The following JAK2 variants were observed in gnomAD, a reference collection of about 807,000 sequenced individuals.
JAK2 encodes the protein Janus kinase 2, also known as tyrosine-protein kinase JAK2.
Under a neutral mutation model 139.3 loss-of-function variants are expected in JAK2, and 86 were observed. The observed-to-expected ratio is 0.62, with a 90% confidence interval of 0.52 to 0.74. JAK2 has a LOEUF of 0.74. Ranked by LOEUF, JAK2 falls within the 30% of genes least tolerant of loss-of-function variation. The pLI is 0.00. For synonymous variants in JAK2, 490 were observed against 437.7 expected, an observed-to-expected ratio of 1.12 and a Z score of -1.49; for missense variants, 1,421 against 1,360.3, an observed-to-expected ratio of 1.04 and a Z score of -0.70.
At chr9:5,045,941 A>G (rs1816976360) in intron 5 of JAK2, among the ~76,000 whole-genome samples, 1 of 151,880 alleles carries the variant, frequency 6.6e-6, no homozygotes, top group Non-Finnish European at 1.5e-5. Context: ...TAAATTTATA[A>G]TTTTTTTTGA....
At position 5,102,261 on chromosome 9, in the gene JAK2, C is replaced by T. The variant is rs566601433; in HGVS notation, c.3059+11350C>T. On this transcript the variant is annotated intron_variant, in intron 22 of 24. Transcript: ENST00000381652. ...GGACGCATGCACAAGCTTCACTAGC[C>T]GACTTGATCAAGTGGAAGAAAGGGT... is the stretch of plus-strand genomic sequence containing the variant. Among the ~76,000 whole-genome samples the T allele has an allele frequency of 1.7e-4, 26 of 152,016 alleles. 1 individual carries two copies. Among genetic ancestry groups the T allele is most frequent in the African/African-American group, 4.6e-4 (19 of 41,458 alleles).
intron 8 of JAK2, among the ~76,000 whole-genome samples, chr9:5,064,026 T>C (rs1335398587): frequency 6.6e-6 from 1 of 152,014 alleles, no homozygotes; most frequent in Non-Finnish European, 1.5e-5. Flanking sequence ...CGTCTTGGCG[T>C]GTGCCTGTAA....
intron 22 of JAK2, chr9:5,111,545 C>T (rs1822541156): frequency 2.7e-6 from 1 of 369,438 alleles, no homozygotes; most frequent in Non-Finnish European, 5.3e-6. Context: ...CTGTCCCGCC[C>T]CCTTCTACAT....
intron 4 of JAK2, among the ~76,000 whole-genome samples, chr9:5,031,565 T>C (rs1823150142): frequency 6.6e-6 from 1 of 152,332 alleles, no homozygotes; most frequent in Non-Finnish European, 1.5e-5. Context: ...AGATAAATTA[T>C]AGATTGATTA....
intron 19 of JAK2, chr9:5,085,038 G>A: frequency 2.5e-6 from 2 of 793,934 alleles, no homozygotes; most frequent in Admixed American, 1.8e-5. Context: ...TTGAATGAGG[G>A]CGTCTCTTTC....
chr9:5,120,413 C>G (rs924494602), intron 22 of JAK2, among the ~76,000 whole-genome samples: 3 of 152,106 alleles, frequency 2.0e-5, no homozygotes, highest in Non-Finnish European at 4.4e-5. Context: ...AGGATTTTGC[C>G]CATGATATCA....
At chr9:5,050,649 T>G in intron 5 of JAK2, 37 bp from the exon 6 acceptor site, 1 of 1,581,864 alleles carries the variant, frequency 6.3e-7, no homozygotes, top group Non-Finnish European at 8.6e-7. Flanking sequence ...ATAATGAAAC[T>G]TACGATGAGA....
chr9:5,071,879 T>G (rs1818972540), intron 12 of JAK2, among the ~76,000 whole-genome samples: 1 of 152,198 alleles, frequency 6.6e-6, no homozygotes, highest in African/African-American at 2.4e-5. Context: ...CAACAATTAC[T>G]TTGTAAAGAT....
rs1461778572 is a variant in JAK2, at chr9:5,042,202, A to G, written c.351-2201A>G. On this transcript the variant is annotated intron_variant, in intron 4 of 24. Transcript: ENST00000381652. ...CCGGACTGCGGACTGCAGTGGCGCAATCTCGGCTCACTGCAAGCTCCGCCT... is the reference window on the plus strand; with the variant it reads ...CCGGACTGCGGACTGCAGTGGCGCAGTCTCGGCTCACTGCAAGCTCCGCCT... 3.4e-5 allele frequency among the ~76,000 whole-genome samples: 5 copies of G among 148,160 alleles called. No homozygotes were observed. In the East Asian group the frequency reaches 8.0e-4, roughly 24 times the overall value.
At chr9:5,007,406 G>A (rs1821378872) in intron 2 of JAK2, among the ~76,000 whole-genome samples, 1 of 151,964 alleles carries the variant, frequency 6.6e-6, no homozygotes, top group African/African-American at 2.4e-5. Context: ...ATATGCTGTG[G>A]TACTTTTGTC....
intron 4 of JAK2, among the ~76,000 whole-genome samples, chr9:5,037,070 A>T (rs1469318474): frequency 6.6e-6 from 1 of 152,258 alleles, no homozygotes; most frequent in South Asian, 2.1e-4. Flanking sequence ...ACACTTCTTG[A>T]AAGAAGACAT....
intron 22 of JAK2, chr9:5,110,994 G>T: frequency 3.0e-6 from 2 of 670,472 alleles, no homozygotes; most frequent in Non-Finnish European, 5.3e-6. Flanking sequence ...TGTTCCCGCT[G>T]CCCGTTGCCA....
intron 4 of JAK2, among the ~76,000 whole-genome samples, chr9:5,035,660 G>C (rs917037034): frequency 2.0e-5 from 3 of 152,166 alleles, no homozygotes; most frequent in African/African-American, 7.2e-5. Flanking sequence ...GGCAGAAAAG[G>C]TCTTTGGCAA....
At chr9:5,008,862 T>C (rs1196397633) in intron 2 of JAK2, among the ~76,000 whole-genome samples, 1 of 152,218 alleles carries the variant, frequency 6.6e-6, no homozygotes, top group African/African-American at 2.4e-5. Flanking sequence ...TTGTACTCCC[T>C]GGATTGATCC....
chr9:5,022,390 A>G (rs1822487894), intron 3 of JAK2, among the ~76,000 whole-genome samples, 177 bp downstream of exon 3: 1 of 152,138 alleles, frequency 6.6e-6, no homozygotes, highest in African/African-American at 2.4e-5. Flanking sequence ...TTTATGGTGA[A>G]TCTGCCTTGG....
intron 3 of JAK2, 33 bp downstream of exon 3, chr9:5,022,246 T>G: frequency 6.9e-7 from 1 of 1,459,372 alleles, no homozygotes; most frequent in Non-Finnish European, 9.6e-7. Context: ...TTCCTTTTTA[T>G]GCATGGATTG....
chr9:5,039,523 G>C (rs1816328680), intron 4 of JAK2, among the ~76,000 whole-genome samples: 1 of 152,068 alleles, frequency 6.6e-6, no homozygotes, highest in African/African-American at 2.4e-5. Flanking sequence ...TCTGGAACTA[G>C]TACTGCATAG....
intron 2 of JAK2, among the ~76,000 whole-genome samples, chr9:4,992,507 T>C (rs1171607275): frequency 2.0e-5 from 3 of 152,150 alleles, no homozygotes; most frequent in Non-Finnish European, 2.9e-5. Flanking sequence ...ACTATTGCCA[T>C]AGTTTGCCAT....
At chr9:4,993,856 G>A (rs1290621468) in intron 2 of JAK2, among the ~76,000 whole-genome samples, 1 of 152,222 alleles carries the variant, frequency 6.6e-6, no homozygotes, top group African/African-American at 2.4e-5. Context: ...CCCCACGTCT[G>A]TGTGGGTTTT....
Sources: gnomAD v4.1 joint callset for allele counts (sites outside exome capture counted in the v4.1 genomes callset) on GRCh38, gnomAD v4.1.1 for gene constraint, MANE v1.5 for transcripts, NCBI Gene and HGNC (gene_info 2026-07-23, HGNC 2026-07-21) for gene names.